The following RTN4IP1 variants were observed in gnomAD, a reference collection of about 807,000 sequenced individuals.
RTN4IP1 encodes reticulon 4 interacting protein 1.
A neutral mutation model predicts 46.6 loss-of-function variants in RTN4IP1; 32 were observed. The ratio of observed to expected loss-of-function variants is 0.69; its 90% confidence interval spans 0.52 to 0.92. The LOEUF is 0.92. Ranked by LOEUF, RTN4IP1 falls within the 40% of genes least tolerant of loss-of-function variation. The pLI is 0.00. For missense variants in RTN4IP1, 424 were observed against 485.8 expected, an observed-to-expected ratio of 0.87 and a Z score of 1.20; for synonymous variants, 167 against 161.8, an observed-to-expected ratio of 1.03 and a Z score of -0.24.
chr6:106,599,525 T>C (rs1775889285), intron 5 of RTN4IP1, among the ~76,000 whole-genome samples: 1 of 151,848 alleles, frequency 6.6e-6, no homozygotes, highest in Non-Finnish European at 1.5e-5. Flanking sequence ...CACTTGTTCT[T>C]GAATGTCATT....
intron 1 of RTN4IP1, among the ~76,000 whole-genome samples, chr6:106,624,935 CAAAA>C (rs1329840633): frequency 1.9e-4 from 9 of 47,978 alleles, no homozygotes; most frequent in Non-Finnish European, 4.0e-4. Context: ...AGCTCTGTCT[CAAAA>C]AAAAAAAAAA....
intron 4 of RTN4IP1, among the ~76,000 whole-genome samples, chr6:106,610,283 C>T (rs75468564): frequency 1.3e-5 from 2 of 152,014 alleles, no homozygotes; most frequent in South Asian, 2.1e-4. Flanking sequence ...AGGCTGGTCT[C>T]GAACTCCTGA....
Position 106,592,277 on chromosome 6 carries a change from A to G in RTN4IP1, c.693T>C (p.His231=), listed in dbSNP as rs374291186. 243 of 1,614,028 alleles carry G rather than the reference A, an allele frequency of 1.5e-4. No homozygotes were observed. The highest frequency in any genetic ancestry group is 2.0e-4 in the Non-Finnish European group (234 of 1,180,024). Residue 231 remains histidine (H), a synonymous_variant, in exon 6 of 9, where the codon CAT becomes CAC. Transcript: ENST00000369063. Reference sequence around the variant, plus strand: ...CATCTTGGGAGCAAACTGCTGTCACATGAGCATCCCATGCTTTCATTACCT... The same window carrying G: ...CATCTTGGGAGCAAACTGCTGTCACGTGAGCATCCCATGCTTTCATTACCT... ...AIQVMKAWDA[H]VTAVCSQDAS...
intron 7 of RTN4IP1, among the ~76,000 whole-genome samples, chr6:106,586,989 G>A (rs1775502209): frequency 6.6e-6 from 1 of 152,142 alleles, no homozygotes; most frequent in Non-Finnish European, 1.5e-5. Flanking sequence ...GACTAACCAA[G>A]TCCCAGAAAC....
At chr6:106,625,183 C>T (rs1776604998) in intron 1 of RTN4IP1, among the ~76,000 whole-genome samples, 1 of 151,418 alleles carries the variant, frequency 6.6e-6, no homozygotes, top group South Asian at 2.1e-4. Context: ...TGAGGCTTTC[C>T]ATGATAGGCA....
upstream of RTN4IP1, chr6:106,629,664 A>G (rs1776768403): frequency 6.2e-7 from 1 of 1,602,650 alleles, no homozygotes; most frequent in African/African-American, 1.3e-5. Flanking sequence ...CTGTGGTGGC[A>G]GGCTGGGCAC....
chr6:106,605,731 A>G (rs2126396), intron 4 of RTN4IP1, among the ~76,000 whole-genome samples: 116,783 of 148,512 alleles, frequency 0.79, 47,041 homozygotes, highest in Non-Finnish European at 0.89. Flanking sequence ...GCAGGAGAAT[A>G]GCATGAACCC....
rs971981462 is a variant in RTN4IP1 at position 106,629,325 on chromosome 6, A to G, written c.-304T>C. On this transcript the variant is annotated 5_prime_UTR_variant, in exon 1 of 9. Transcript: ENST00000369063. ...AAAAAGGGGGGGCGGGGCATTAAAA[A>G]GCAGGTGCGCAAACCCCCTAGATCC... is the stretch of plus-strand genomic sequence containing the variant. The G allele has an allele frequency of 6.2e-5, 33 of 533,422 alleles. No homozygotes were observed. Among genetic ancestry groups the G allele is most frequent in the African/African-American group, 5.9e-4 (31 of 52,336 alleles). The allele number at this position is 533,422 out of a possible 1,614,324, so 33.0% of individuals were successfully genotyped here.
chr6:106,589,298 G>A (rs1775588573), intron 6 of RTN4IP1, among the ~76,000 whole-genome samples: 1 of 134,098 alleles, frequency 7.5e-6, no homozygotes, highest in South Asian at 2.7e-4. Context: ...AAGAGAAGAA[G>A]AAGAGGAGGA....
rs553112084 is a variant in RTN4IP1, at chr6:106,577,340, T to TG, written c.1084-5238dup. Among the ~76,000 whole-genome samples the TG allele has an allele frequency of 3.7e-3, 508 of 136,230 alleles. 3 individuals carry two copies. The highest frequency in any genetic ancestry group is 0.013 in the African/African-American group (464 of 36,854). The allele number at this position is 136,230 out of a possible 152,430, so 89.4% of individuals were successfully genotyped here. A position where few individuals can be genotyped will look rare whatever the true frequency, so the allele number is the denominator to read the frequency against. ...AGAGGTAGTGCTGGGTAGTGCTATA[T>TG]GGGGGGCTGAGGTGGGAGGATCACT... is the stretch of plus-strand genomic sequence containing the variant. On this transcript the variant is annotated intron_variant, in intron 8 of 8. Transcript: ENST00000369063.
chr6:106,601,768 G>A (rs946323574), intron 5 of RTN4IP1, among the ~76,000 whole-genome samples: 3 of 151,028 alleles, frequency 2.0e-5, no homozygotes, highest in Non-Finnish European at 4.4e-5. Context: ...ATGCCACCAT[G>A]TCCAACTAAT....
intron 2 of RTN4IP1, among the ~76,000 whole-genome samples, chr6:106,622,054 T>C (rs1006169348): frequency 6.6e-6 from 1 of 152,152 alleles, no homozygotes; most frequent in East Asian, 1.9e-4. Context: ...AAAAATACCC[T>C]AATTCTATAT....
intron 5 of RTN4IP1, among the ~76,000 whole-genome samples, chr6:106,592,824 G>T (rs568093480): frequency 1.3e-5 from 2 of 152,158 alleles, no homozygotes; most frequent in Non-Finnish European, 2.9e-5. Flanking sequence ...AGCTACTTGG[G>T]TGGCCAAGGC....
chr6:106,586,393 GAGACAACGTCTTCCTCTGTTGCCC>G (rs1775484849), intron 7 of RTN4IP1, among the ~76,000 whole-genome samples: 1 of 147,678 alleles, frequency 6.8e-6, no homozygotes, highest in African/African-American at 2.5e-5. Flanking sequence ...TTTTTTTTTT[GAGACAACGTCTTCCTCTGTTGCCC>G]AGGCTGCAGT....
intron 5 of RTN4IP1, among the ~76,000 whole-genome samples, chr6:106,596,672 T>G (rs919588938): frequency 1.9e-4 from 29 of 152,350 alleles, no homozygotes; most frequent in Non-Finnish European, 2.9e-4. Flanking sequence ...CATTTAGTTT[T>G]GTTCTACAGG....
At chr6:106,594,553 A>G (rs899396293) in intron 5 of RTN4IP1, among the ~76,000 whole-genome samples, 2 of 152,054 alleles carry the variant, frequency 1.3e-5, no homozygotes, top group African/African-American at 4.8e-5. Flanking sequence ...GAAAACAGCT[A>G]TAGGGTGAAC....
intron 8 of RTN4IP1, among the ~76,000 whole-genome samples, chr6:106,579,460 C>G (rs17052211): frequency 0.17 from 25,137 of 152,006 alleles, 2,603 homozygotes; most frequent in African/African-American, 0.29. Context: ...GAAAACAATG[C>G]CTAAGACTGG....
intron 5 of RTN4IP1, among the ~76,000 whole-genome samples, chr6:106,599,060 T>C (rs1775878366): frequency 6.6e-6 from 1 of 151,984 alleles, no homozygotes; most frequent in African/African-American, 2.4e-5. Context: ...TTGTATTATA[T>C]TTTTAATGTC....
intron 7 of RTN4IP1, among the ~76,000 whole-genome samples, chr6:106,587,223 C>T (rs1276687967): frequency 2.0e-5 from 3 of 152,174 alleles, no homozygotes; most frequent in Non-Finnish European, 4.4e-5. Context: ...TCTTTATATA[C>T]AAGAGACTTT....
Sources: allele counts gnomAD v4.1 joint callset (sites outside exome capture counted in the v4.1 genomes callset), GRCh38; gene constraint gnomAD v4.1.1; transcripts MANE v1.5; gene names NCBI Gene and HGNC (gene_info 2026-07-23, HGNC 2026-07-21).